The following PDE4D variants were observed in gnomAD, a reference collection of about 807,000 sequenced individuals.
The protein encoded by PDE4D is phosphodiesterase 4D.
In PDE4D, 24 loss-of-function variants were observed where a neutral mutation model predicts 87.4. The observed-to-expected ratio is 0.27, with a 90% CI of 0.20 to 0.39. The LOEUF (loss-of-function observed/expected upper bound fraction) is 0.39, where lower values mean the gene tolerates loss of function less well. Among genes scored for constraint, PDE4D ranks in the 10% least tolerant of loss-of-function variants. The pLI is 1.00. For synonymous variants in PDE4D, 384 were observed against 383.2 expected, an observed-to-expected ratio of 1.00 and a Z score of -0.02; for missense variants, 714 against 1,041.0, an observed-to-expected ratio of 0.69 and a Z score of 4.32.
At chr5:60,384,617 T>A (rs183808008) in intron 1 of PDE4D, among the ~76,000 whole-genome samples, 345 of 152,246 alleles carry the variant, frequency 2.3e-3, no homozygotes, top group Non-Finnish European at 3.8e-3. Flanking sequence ...TACAGATCAC[T>A]CCTTCACTGT....
chr5:59,165,907 T>C (rs1367502849), intron 5 of PDE4D, among the ~76,000 whole-genome samples: 1 of 152,128 alleles, frequency 6.6e-6, no homozygotes, highest in Non-Finnish European at 1.5e-5. Flanking sequence ...CTAAGAACAG[T>C]TGTGGGGATC....
chr5:59,307,407 A>G (rs1173673780), intron 1 of PDE4D, among the ~76,000 whole-genome samples: 1 of 151,608 alleles, frequency 6.6e-6, no homozygotes, highest in East Asian at 1.9e-4. Flanking sequence ...AGAAACTACC[A>G]TCAGAGTGAA....
intron 1 of PDE4D, among the ~76,000 whole-genome samples, chr5:59,700,211 A>G (rs193104703): frequency 2.2e-3 from 328 of 152,342 alleles, no homozygotes; most frequent in African/African-American, 7.4e-3. Context: ...TTTCTGGTTT[A>G]AAGTGAAATC....
chr5:60,092,174 A>G (rs1438685061), intron 2 of PDE4D, among the ~76,000 whole-genome samples: 7 of 151,976 alleles, frequency 4.6e-5, no homozygotes, highest in African/African-American at 1.7e-4. Context: ...ACTAGAGTAT[A>G]TTACGTTAAG....
intron 3 of PDE4D, among the ~76,000 whole-genome samples, chr5:59,923,426 A>G (rs969694471): frequency 6.6e-6 from 1 of 152,210 alleles, no homozygotes; most frequent in African/African-American, 2.4e-5. Flanking sequence ...TGTTGGCTTC[A>G]GGTCTGACCC....
At chr5:59,028,599 A>G (rs1312795121) in intron 6 of PDE4D, among the ~76,000 whole-genome samples, 1 of 151,832 alleles carries the variant, frequency 6.6e-6, no homozygotes, top group East Asian at 1.9e-4. Flanking sequence ...CGTTTGGTAA[A>G]AGGCAGAGAA....
chr5:60,384,161 A>G (rs2150012013), intron 1 of PDE4D, among the ~76,000 whole-genome samples: 1 of 152,334 alleles, frequency 6.6e-6, no homozygotes, highest in South Asian at 2.1e-4. Flanking sequence ...AAAAACAGCA[A>G]CTAGCTTAAA....
At chr5:59,854,487 A>G (rs1261571991) in intron 1 of PDE4D, among the ~76,000 whole-genome samples, 3 of 152,008 alleles carry the variant, frequency 2.0e-5, no homozygotes, top group African/African-American at 7.2e-5. Flanking sequence ...ATGTACTCAA[A>G]TATGTCAGTA....
chr5:59,069,430 C>T (rs1764403591), intron 5 of PDE4D, among the ~76,000 whole-genome samples: 1 of 152,088 alleles, frequency 6.6e-6, no homozygotes, highest in Admixed American at 6.6e-5. Flanking sequence ...CTCGTACCAG[C>T]GTCCTAACAT....
At chr5:59,474,576 T>C (rs929509190) in intron 1 of PDE4D, among the ~76,000 whole-genome samples, 1 of 152,112 alleles carries the variant, frequency 6.6e-6, no homozygotes, top group Non-Finnish European at 1.5e-5. Context: ...TTACATCATT[T>C]TTCCCTGGTG....
chr5:59,730,014 T>A (rs1264466395), intron 1 of PDE4D, among the ~76,000 whole-genome samples: 2 of 152,048 alleles, frequency 1.3e-5, no homozygotes, highest in Admixed American at 6.6e-5. Flanking sequence ...ACACTCCTGG[T>A]GCTTAGGACA....
intron 1 of PDE4D, among the ~76,000 whole-genome samples, chr5:59,617,212 G>A (rs542041020): frequency 2.6e-5 from 4 of 151,892 alleles, no homozygotes; most frequent in South Asian, 2.1e-4. Flanking sequence ...GAGCTCCATC[G>A]TCCTCCATCT....
At chr5:60,167,490 G>A (rs990308240) in intron 2 of PDE4D, among the ~76,000 whole-genome samples, 39 of 151,706 alleles carry the variant, frequency 2.6e-4, no homozygotes, top group African/African-American at 8.0e-4. Flanking sequence ...GGATGGTCTC[G>A]ATCTCCTGAC....
intron 1 of PDE4D, among the ~76,000 whole-genome samples, chr5:59,548,891 C>G (rs1817688829): frequency 6.6e-6 from 1 of 152,086 alleles, no homozygotes; most frequent in Non-Finnish European, 1.5e-5. Flanking sequence ...TTTCTGCTAG[C>G]TCTCTGAGGG....
At chr5:60,387,663 C>G (rs1223527057) in intron 1 of PDE4D, among the ~76,000 whole-genome samples, 2 of 152,174 alleles carry the variant, frequency 1.3e-5, no homozygotes, top group East Asian at 1.9e-4. Flanking sequence ...GTCTGGGCTT[C>G]TGTGTCAGGA....
At chr5:60,051,907 G>GAAC (rs1278250334) in intron 2 of PDE4D, among the ~76,000 whole-genome samples, 1 of 152,076 alleles carries the variant, frequency 6.6e-6, no homozygotes, top group African/African-American at 2.4e-5. Context: ...AGTATACTAT[G>GAAC]AACAGCTCTA....
At chr5:59,188,993 G>A (rs1466147922) in intron 3 of PDE4D, among the ~76,000 whole-genome samples, 1 of 152,148 alleles carries the variant, frequency 6.6e-6, no homozygotes, top group Non-Finnish European at 1.5e-5. Flanking sequence ...TCATAGCCTG[G>A]CAGGGAGGGC....
chr5:59,490,709 T>A (rs899808716), intron 1 of PDE4D, among the ~76,000 whole-genome samples: 7 of 152,218 alleles, frequency 4.6e-5, no homozygotes, highest in African/African-American at 1.7e-4. Context: ...TAAACTATTA[T>A]AACCAAATTT....
intron 1 of PDE4D, among the ~76,000 whole-genome samples, chr5:59,733,107 A>G (rs977057443): frequency 2.0e-5 from 3 of 152,160 alleles, no homozygotes; most frequent in Non-Finnish European, 4.4e-5. Context: ...TAAGGAGAAA[A>G]TAACACTTAT....
Sources: allele counts gnomAD v4.1 joint callset (sites outside exome capture counted in the v4.1 genomes callset), GRCh38; gene constraint gnomAD v4.1.1; transcripts MANE v1.5; gene names NCBI Gene and HGNC (gene_info 2026-07-23, HGNC 2026-07-21).